The following KCNQ5 variants were observed in gnomAD, a reference collection of about 807,000 sequenced individuals.
KCNQ5 encodes the protein potassium voltage-gated channel subfamily KQT member 5.
In KCNQ5, 30 loss-of-function variants were observed where a neutral mutation model predicts 98.2. The observed-to-expected ratio is 0.31, with a 90% CI of 0.23 to 0.41. The LOEUF is 0.41. Among genes scored for constraint, KCNQ5 ranks in the 10% least tolerant of loss-of-function variants. The pLI, the probability that KCNQ5 is intolerant of heterozygous loss-of-function variation, is 1.00. For missense variants in KCNQ5, 835 were observed against 1,182.5 expected, an observed-to-expected ratio of 0.71 and a Z score of 4.31; for synonymous variants, 458 against 449.4, an observed-to-expected ratio of 1.02 and a Z score of -0.24.
rs542038188 is a variant in KCNQ5 at position 72,633,277 on chromosome 6, TG to T, written c.398+10691del. On this transcript the variant is annotated intron_variant, in intron 1 of 13. Coordinates refer to ENST00000370398, the MANE Select transcript of KCNQ5 (RefSeq NM_019842.4). ...TTCTTTGCCCACTTTTTAATGGGGT[TG>T]TTTTTTGCTTGTTGATTTGTTTAAG... 4.7e-4 allele frequency among the ~76,000 whole-genome samples: 72 copies of T among 152,336 alleles called. 1 individual carries two copies. In the South Asian group the frequency reaches 0.015, roughly 32 times the overall value.
chr6:72,760,191 A>T (rs79228509), intron 1 of KCNQ5, among the ~76,000 whole-genome samples: 1,689 of 152,262 alleles, frequency 0.011, 29 homozygotes, highest in African/African-American at 0.038. Flanking sequence ...GGTAACTTTT[A>T]TAAATAAATC....
chr6:73,092,263 TC>T (rs757159986), intron 5 of KCNQ5, among the ~76,000 whole-genome samples: 14 of 152,206 alleles, frequency 9.2e-5, no homozygotes, highest in Non-Finnish European at 1.3e-4. Flanking sequence ...TTTTGCAAGT[TC>T]TAGGAGCTTT....
intron 1 of KCNQ5, among the ~76,000 whole-genome samples, chr6:72,694,336 G>T (rs1270169567): frequency 1.3e-5 from 2 of 152,132 alleles, no homozygotes; most frequent in African/African-American, 2.4e-5. Flanking sequence ...AGATAAACTA[G>T]CTAGATAATG....
At chr6:73,067,683 T>C (rs945178176) in intron 3 of KCNQ5, among the ~76,000 whole-genome samples, 2 of 152,122 alleles carry the variant, frequency 1.3e-5, no homozygotes. Context: ...GCCTCATACA[T>C]CAGAGGTACT....
At chr6:72,660,994 T>TA (rs1766493174) in intron 1 of KCNQ5, among the ~76,000 whole-genome samples, 1 of 152,112 alleles carries the variant, frequency 6.6e-6, no homozygotes, top group Non-Finnish European at 1.5e-5. Flanking sequence ...ACAAAATTTT[T>TA]AAAATCATAC....
intron 1 of KCNQ5, among the ~76,000 whole-genome samples, chr6:72,853,779 A>G (rs1003288209): frequency 1.3e-5 from 2 of 152,190 alleles, no homozygotes; most frequent in African/African-American, 4.8e-5. Flanking sequence ...GTAACACACC[A>G]AAGTAATTCA....
At chr6:73,063,406 T>G (rs773442777) in intron 3 of KCNQ5, among the ~76,000 whole-genome samples, 1 of 152,070 alleles carries the variant, frequency 6.6e-6, no homozygotes, top group South Asian at 2.1e-4. Context: ...CGCATTATCT[T>G]GTACAAGCTT....
At chr6:72,955,099 G>A (rs1766980787) in intron 1 of KCNQ5, among the ~76,000 whole-genome samples, 1 of 152,184 alleles carries the variant, frequency 6.6e-6, no homozygotes, top group Non-Finnish European at 1.5e-5. Context: ...AGCAAGTTGA[G>A]TACCAGAGCA....
At position 73,170,936 on chromosome 6, in the gene KCNQ5, A is replaced by AAAAAT. The variant is rs149081545; in HGVS notation, c.1577+1104_1577+1108dup. Among the ~76,000 whole-genome samples, 974 of 152,090 alleles carry AAAAAT rather than the reference A, an allele frequency of 6.4e-3. 9 individuals carry two copies. The highest frequency in any genetic ancestry group is 0.011 in the Non-Finnish European group (732 of 67,978). On this transcript the variant is annotated intron_variant, in intron 11 of 13. Transcript: ENST00000370398. ...GCAACAGAATGAGATTCTGCCTCCAAAAAATAAAATAAAATAAAATAAAAT... is the reference window on the plus strand; with the variant it reads ...GCAACAGAATGAGATTCTGCCTCCAAAAAATAAAATAAAATAAAATAAAATAAAAT...
intron 1 of KCNQ5, among the ~76,000 whole-genome samples, chr6:72,773,621 G>C (rs1773018375): frequency 6.6e-6 from 1 of 151,826 alleles, no homozygotes; most frequent in Non-Finnish European, 1.5e-5. Context: ...AATAAACAAA[G>C]GTAATATTAT....
rs548078458 is a variant in KCNQ5, at chr6:73,169,954, T to C, written c.1577+100T>C. On this transcript the variant is annotated intron_variant, in intron 11 of 13. Coordinates refer to ENST00000370398, the MANE Select transcript of KCNQ5 (RefSeq NM_019842.4). Reference sequence around the variant, plus strand: ...TTTTCTGCAGGTAAATATCCTGGAATAACCACTTTCCCTTTCCTATTCATC... The same window carrying C: ...TTTTCTGCAGGTAAATATCCTGGAACAACCACTTTCCCTTTCCTATTCATC... The C allele has an allele frequency of 1.0e-5, 8 of 767,706 alleles. No individual in the cohort carries two copies. In the East Asian group the frequency reaches 1.1e-4, roughly 10 times the overall value. 47.6% of individuals were successfully genotyped at this position (767,706 alleles called of 1,614,324 possible). A position where few individuals can be genotyped will look rare whatever the true frequency, so the allele number is the denominator to read the frequency against.
chr6:72,700,111 TTA>T (rs1768718053), intron 1 of KCNQ5, among the ~76,000 whole-genome samples: 1 of 152,102 alleles, frequency 6.6e-6, no homozygotes, highest in Non-Finnish European at 1.5e-5. Context: ...ATCAAAAAAG[TTA>T]TATGTTTTGT....
chr6:73,163,766 T>A (rs1401349657), intron 10 of KCNQ5, among the ~76,000 whole-genome samples: 1 of 151,962 alleles, frequency 6.6e-6, no homozygotes, highest in African/African-American at 2.4e-5. Context: ...AATAAATAAA[T>A]AAGTAAATAA....
At chr6:72,771,422 C>T (rs562413108) in intron 1 of KCNQ5, among the ~76,000 whole-genome samples, 2 of 152,094 alleles carry the variant, frequency 1.3e-5, no homozygotes, top group African/African-American at 2.4e-5. Flanking sequence ...CAATAGTGTA[C>T]AAGGATTCCC....
At chr6:73,067,285 A>G (rs1773096168) in intron 3 of KCNQ5, among the ~76,000 whole-genome samples, 1 of 152,206 alleles carries the variant, frequency 6.6e-6, no homozygotes, top group Admixed American at 6.5e-5. Flanking sequence ...CAGCTAAATG[A>G]CTTTGGATAA....
intron 1 of KCNQ5, among the ~76,000 whole-genome samples, chr6:72,766,876 A>C (rs1772601445): frequency 6.6e-6 from 1 of 152,018 alleles, no homozygotes; most frequent in South Asian, 2.1e-4. Context: ...GTAGAAGATG[A>C]ACTTAGAGAT....
At chr6:73,143,566 C>T (rs1269949937) in intron 10 of KCNQ5, 1 of 152,212 alleles carries the variant, frequency 6.6e-6, no homozygotes. Flanking sequence ...GTGTCCCACC[C>T]ACCATTGTGA....
intron 11 of KCNQ5, among the ~76,000 whole-genome samples, chr6:73,183,819 C>T (rs913067636): frequency 6.6e-6 from 1 of 152,198 alleles, no homozygotes; most frequent in African/African-American, 2.4e-5. Context: ...GACCTGGCAT[C>T]TTCATTCACA....
At chr6:73,077,931 TG>T (rs749605222) in intron 5 of KCNQ5, 44 bp downstream of exon 5, 82 of 1,509,570 alleles carry the variant, frequency 5.4e-5, no homozygotes, top group Middle Eastern at 1.8e-4. Context: ...TGTTGTGAAT[TG>T]TTTTTTTTTA....
Sources: gnomAD v4.1 joint callset for allele counts (sites outside exome capture counted in the v4.1 genomes callset) on GRCh38, gnomAD v4.1.1 for gene constraint, MANE v1.5 for transcripts, NCBI Gene and HGNC (gene_info 2026-07-23, HGNC 2026-07-21) for gene names.